Variants in SNX9 observed in about 807,000 individuals in gnomAD.
SNX9 encodes the protein sorting nexin 9.
Under a neutral mutation model 89.4 loss-of-function variants are expected in SNX9, and 44 were observed. The observed-to-expected ratio is 0.49, with a 90% confidence interval of 0.39 to 0.63. The LOEUF is 0.63. SNX9 is among the 30% of genes least tolerant of loss of function. The pLI, the probability that SNX9 is intolerant of heterozygous loss-of-function variation, is 0.00. For missense variants in SNX9, 578 were observed against 736.1 expected (o/e 0.79, Z 2.49); for synonymous variants, 236 against 247.8 (o/e 0.95, Z 0.45).
At chr6:157,906,561 T>G (rs1382778347) in intron 7 of SNX9, among the ~76,000 whole-genome samples, 1 of 152,232 alleles carries the variant, frequency 6.6e-6, no homozygotes, top group African/African-American at 2.4e-5. Flanking sequence ...GTTTCTTCCC[T>G]TGTAAAGTAC....
rs150737199 is a variant in SNX9, at chr6:157,825,580, A to G, written c.12+2134A>G. 2.1e-3 allele frequency among the ~76,000 whole-genome samples: 320 copies of G among 152,324 alleles called. 2 individuals carry two copies. The highest frequency in any genetic ancestry group is 7.2e-3 in the African/African-American group (299 of 41,572). On this transcript the variant is annotated intron_variant, in intron 1 of 17. Transcript: ENST00000392185. ...GTTATCTACACCACTCCAAAGGCAAATTCCAGTAGTTCTGTTAGTTTCTTT... is the reference window on the plus strand; with the variant it reads ...GTTATCTACACCACTCCAAAGGCAAGTTCCAGTAGTTCTGTTAGTTTCTTT...
intron 17 of SNX9, among the ~76,000 whole-genome samples, chr6:157,941,844 C>T (rs370634120): frequency 2.6e-5 from 4 of 152,216 alleles, no homozygotes; most frequent in African/African-American, 7.2e-5. Context: ...GACTAACTTA[C>T]GGGAGGAACT....
chr6:157,901,855 T>A lies in SNX9; in HGVS notation c.473-43T>A, dbSNP rs1265199420. On this transcript the variant is annotated intron_variant, in intron 5 of 17. Transcript: ENST00000392185. Reference sequence around the variant, plus strand: ...AAGTAATTTCATTTTTATTTTGGTCTTTTTTTTTTTTTTAACTGATGATCT... The same window carrying A: ...AAGTAATTTCATTTTTATTTTGGTCATTTTTTTTTTTTTAACTGATGATCT... 2.9e-5 allele frequency: 3 copies of A among 103,934 alleles called. No individual in the cohort carries two copies. In the South Asian group the frequency reaches 9.0e-4, roughly 31 times the overall value. 6.4% of individuals were successfully genotyped at this position (103,934 alleles called of 1,614,324 possible).
Position 157,909,665 on chromosome 6 carries a change from G to A in SNX9, c.706G>A (p.Val236Ile). The change falls in exon 8 of 18, where the codon GTT becomes ATT. Residue 236 changes from valine (V) to isoleucine (I), a missense_variant and splice_region_variant. Transcript: ENST00000392185. ...AKPKEKIPIIVGDYGPMWVYP... is the reference protein window; with the variant it reads ...AKPKEKIPIIIGDYGPMWVYP... ...ACTTCTTTCTGGAACATTGGCATAG[G>A]TTGGAGATTATGGCCCAATGTGGGT... 1 of 1,613,532 alleles carries A rather than the reference G, an allele frequency of 6.2e-7. No homozygotes were observed. Among genetic ancestry groups the A allele is most frequent in the Non-Finnish European group, 8.5e-7 (1 of 1,179,872 alleles).
At chr6:157,915,640 A>AAAATATATATATATATATAT (rs1472422303) in intron 9 of SNX9, among the ~76,000 whole-genome samples, 42 of 95,038 alleles carry the variant, frequency 4.4e-4, no homozygotes, top group Non-Finnish European at 7.0e-4. Flanking sequence ...AAAAAAAAAA[A>AAAATATATATATATATATAT]ATATATATAT....
At chr6:157,832,603 G>A (rs1781497949) in intron 1 of SNX9, among the ~76,000 whole-genome samples, 1 of 152,218 alleles carries the variant, frequency 6.6e-6, no homozygotes, top group African/African-American at 2.4e-5. Flanking sequence ...GGGCTGGAGA[G>A]GCCTCAGGAA....
Position 157,823,400 on chromosome 6 carries a change from G to T in SNX9, c.-35G>T, listed in dbSNP as rs980210888. On this transcript the variant is annotated 5_prime_UTR_variant, in exon 1 of 18. Coordinates refer to ENST00000392185, the MANE Select transcript of SNX9 (RefSeq NM_016224.5). The surrounding 1 kb of genome is among the most constrained non-coding windows in gnomAD (Gnocchi z 4.6). ...AATCACCATCCGCGGCGCGGGAGAC[G>T]AGCCGGCCGTCCCGGGCCGGGGGAC... The T allele has an allele frequency of 1.6e-6, 2 of 1,272,100 alleles. No individual in the cohort carries two copies. The highest frequency in any genetic ancestry group is 2.0e-6 in the Non-Finnish European group (2 of 1,002,016). The allele number at this position is 1,272,100 out of a possible 1,614,324, so 78.8% of individuals were successfully genotyped here. A position where few individuals can be genotyped will look rare whatever the true frequency, so the allele number is the denominator to read the frequency against.
At chr6:157,850,954 T>A (rs1781898367) in intron 1 of SNX9, among the ~76,000 whole-genome samples, 1 of 152,160 alleles carries the variant, frequency 6.6e-6, no homozygotes, top group Non-Finnish European at 1.5e-5. Flanking sequence ...ATTTCTATGG[T>A]CTTTTGAAAA....
chr6:157,916,760 G>A (rs1436953856), intron 9 of SNX9, among the ~76,000 whole-genome samples: 2 of 152,166 alleles, frequency 1.3e-5, no homozygotes, highest in Non-Finnish European at 2.9e-5. Context: ...AGCCTTACAT[G>A]CCTGGAATAA....
At chr6:157,851,699 C>A (rs1781916360) in intron 1 of SNX9, among the ~76,000 whole-genome samples, 1 of 152,184 alleles carries the variant, frequency 6.6e-6, no homozygotes, top group South Asian at 2.1e-4. Context: ...AAGCGATTTT[C>A]CTGCCTCAGC....
intron 10 of SNX9, among the ~76,000 whole-genome samples, chr6:157,923,334 G>T (rs993691646): frequency 2.4e-4 from 36 of 151,852 alleles, no homozygotes; most frequent in African/African-American, 8.7e-4. Flanking sequence ...AACCCCCAAA[G>T]AATCTGCAGA....
At chr6:157,904,715 A>G (rs1783175137) in intron 6 of SNX9, among the ~76,000 whole-genome samples, 1 of 152,194 alleles carries the variant, frequency 6.6e-6, no homozygotes, top group Non-Finnish European at 1.5e-5. Context: ...TCTCAAAAAA[A>G]TAAATAAAAT....
chr6:157,896,685 T>C (rs1782983406), intron 4 of SNX9, 142 bp from the exon 5 acceptor site: 2 of 931,296 alleles, frequency 2.1e-6, no homozygotes, highest in African/African-American at 1.7e-5. Flanking sequence ...TAAAATATTA[T>C]GTATGTAAAA....
Position 157,875,151 on chromosome 6 carries a change from C to G in SNX9, c.275C>G (p.Ser92Trp), listed in dbSNP as rs140767756. The G allele has an allele frequency of 2.5e-6, 4 of 1,609,342 alleles. No homozygotes were observed. In the South Asian group the frequency reaches 3.3e-5, roughly 13 times the overall value. ...SLSASTAQAS[S>W]SAASNNHQVG... ...TCAGCCAGCACAGCTCAGGCCAGTT[C>G]GTCGGCTGCCAGCAACAATCACCAG... The change falls in exon 4 of 18, where the codon TCG (serine) becomes TGG (tryptophan). Residue 92 changes from serine (S) to tryptophan (W), a missense_variant. Physicochemically the swap from Ser to Trp is radical, Grantham distance 177. This residue lies in a region of SNX9 where 230 missense variants were observed against 244.7 expected (regional missense o/e 0.94). Coordinates refer to ENST00000392185, the MANE Select transcript of SNX9 (RefSeq NM_016224.5).
chr6:157,914,270 T>C (rs1783411742), intron 9 of SNX9, among the ~76,000 whole-genome samples: 1 of 152,148 alleles, frequency 6.6e-6, no homozygotes, highest in African/African-American at 2.4e-5. Flanking sequence ...CTTCATGTGC[T>C]TATTTCCCAT....
intron 1 of SNX9, among the ~76,000 whole-genome samples, chr6:157,858,547 G>A (rs1057302794): frequency 3.3e-5 from 5 of 152,120 alleles, no homozygotes; most frequent in Non-Finnish European, 4.4e-5. Flanking sequence ...AATGGGAGGA[G>A]TGACAAAGTC....
chr6:157,899,325 C>T (rs1467364850), intron 5 of SNX9, among the ~76,000 whole-genome samples: 3 of 152,108 alleles, frequency 2.0e-5, no homozygotes, highest in African/African-American at 7.2e-5. Context: ...TCGTCCCTTT[C>T]GTCCTCCCCA....
At chr6:157,864,497 A>G (rs2115132334) in intron 1 of SNX9, among the ~76,000 whole-genome samples, 1 of 152,306 alleles carries the variant, frequency 6.6e-6, no homozygotes, top group Non-Finnish European at 1.5e-5. Context: ...AGTTTAGTAA[A>G]CAAGAGGCTT....
At chr6:157,858,291 G>A (rs1375563357) in intron 1 of SNX9, among the ~76,000 whole-genome samples, 2 of 149,430 alleles carry the variant, frequency 1.3e-5, no homozygotes, top group Non-Finnish European at 3.0e-5. Context: ...TTGTTGCCCA[G>A]GCTGGAGTGC....
Sources: allele counts gnomAD v4.1 joint callset (sites outside exome capture counted in the v4.1 genomes callset), GRCh38; gene constraint gnomAD v4.1.1; regional missense constraint gnomAD v4.1.1; non-coding constraint Gnocchi (gnomAD v3.1); transcripts MANE v1.5; gene names NCBI Gene and HGNC (gene_info 2026-07-23, HGNC 2026-07-21).